The following TPI1 variants were observed in gnomAD, a reference collection of about 807,000 sequenced individuals.
TPI1 encodes triosephosphate isomerase 1.
TPI1 carries 11 observed loss-of-function variants against 31.0 expected under a neutral mutation model. That is an observed-to-expected ratio of 0.36 (90% confidence interval 0.22 to 0.59). The LOEUF is 0.59. Ranked by LOEUF, TPI1 falls within the 20% of genes least tolerant of loss-of-function variation. The probability of loss-of-function intolerance (pLI) is 0.79; values close to 1 mark genes in which losing one functional copy is unlikely to be tolerated. For missense variants in TPI1, 245 were observed against 319.7 expected, an observed-to-expected ratio of 0.77 and a Z score of 1.78; for synonymous variants, 121 against 122.8, an observed-to-expected ratio of 0.99 and a Z score of 0.10.
At chr12:6,867,754 C>G in intron 1 of TPI1, 73 bp downstream of exon 1, 4 of 1,333,592 alleles carry the variant, frequency 3.0e-6, no homozygotes, top group South Asian at 1.5e-5. Context: ...CGCCCTCTCC[C>G]GAGGCCCCGA....
intron 4 of TPI1, 138 bp from the exon 5 acceptor site, chr12:6,869,550 C>G (rs948321648): frequency 6.8e-7 from 1 of 1,470,598 alleles, no homozygotes; most frequent in East Asian, 2.3e-5. Context: ...ACTTCTCCAG[C>G]CCCAAGGTAG....
rs782668921 is a variant in TPI1, at chr12:6,868,765, G to A, written c.116-99G>A. 12 of 1,519,710 alleles carry A rather than the reference G, an allele frequency of 7.9e-6. No homozygotes were observed. In the East Asian group the frequency reaches 2.7e-4, roughly 34 times the overall value. 94.1% of individuals were successfully genotyped at this position (1,519,710 alleles called of 1,614,324 possible). On this transcript the variant is annotated intron_variant, in intron 1 of 6. Transcript: ENST00000396705. ...AGGGGGAGAGCAGAACCAAGAAGAA[G>A]AGGGTGAGGGCTGGGGGGCTCCAGG... is the stretch of plus-strand genomic sequence containing the variant.
At chr12:6,868,751 A>C in intron 1 of TPI1, 113 bp from the exon 2 acceptor site, 2 of 1,492,944 alleles carry the variant, frequency 1.3e-6, no homozygotes, top group Non-Finnish European at 1.8e-6. Context: ...GGGGGAGAGC[A>C]GAACCAAGAA....
Position 6,868,474 on chromosome 12 carries a change from T to G in TPI1, c.116-390T>G, listed in dbSNP as rs1555131935. The G allele has an allele frequency of 3.9e-6, 5 of 1,286,292 alleles. No homozygotes were observed. In the Admixed American group the frequency reaches 1.2e-4, roughly 30 times the overall value. 79.7% of individuals were successfully genotyped at this position (1,286,292 alleles called of 1,614,324 possible). ...TACAAACCCCAGGAGTTGGCCCCTC[T>G]CCTTTTGCTACAAATCCTTGCCTTG... On this transcript the variant is annotated intron_variant, in intron 1 of 6. Transcript: ENST00000396705.
rs886049811 is a variant in TPI1 at position 6,870,622 on chromosome 12, C to T, written c.*239C>T. The T allele has an allele frequency of 2.9e-6, 2 of 686,050 alleles. No homozygotes were observed. Among genetic ancestry groups the T allele is most frequent in the Middle Eastern group, 2.5e-4 (1 of 4,068 alleles). The allele number at this position is 686,050 out of a possible 1,614,324, so 42.5% of individuals were successfully genotyped here. A position where few individuals can be genotyped will look rare whatever the true frequency, so the allele number is the denominator to read the frequency against. On this transcript the variant is annotated 3_prime_UTR_variant, in exon 7 of 7. Coordinates refer to ENST00000396705, the MANE Select transcript of TPI1 (RefSeq NM_000365.6). Reference sequence around the variant, plus strand: ...CTAAACGTCACCAAGGTGGCTTCTCCTTGGCTGAGAGATGGAAGGCGTGGT... The same window carrying T: ...CTAAACGTCACCAAGGTGGCTTCTCTTTGGCTGAGAGATGGAAGGCGTGGT...
Position 6,870,328 on chromosome 12 carries a change from T to C in TPI1, c.695T>C (p.Val232Ala), listed in dbSNP as rs782439716. The C allele has an allele frequency of 6.2e-6, 10 of 1,614,156 alleles. No individual in the cohort carries two copies. The South Asian group carries it at 1.1e-4, about 18-fold the overall frequency. ...CAGCCTGATGTGGATGGCTTCCTTG[T>C]GGGTGGTGCTTCCCTCAAGCCCGAA... ...ASQPDVDGFL[V>A]GGASLKPEFV... The change falls in exon 7 of 7, where the codon GTG becomes GCG. Residue 232 changes from valine (V) to alanine (A), a missense_variant. Val to Ala is a moderately conservative substitution (Grantham distance 64, BLOSUM62 0). Transcript: ENST00000396705.
intron 5 of TPI1, 49 bp from the exon 6 acceptor site, chr12:6,870,000 C>T (rs781906708): frequency 1.9e-6 from 3 of 1,601,332 alleles, no homozygotes; most frequent in South Asian, 2.2e-5. Context: ...GTGATTTTTC[C>T]TCTTAGAGAG....
At chr12:6,869,210 G>A in intron 3 of TPI1, 27 bp downstream of exon 3, 1 of 1,614,180 alleles carries the variant, frequency 6.2e-7, no homozygotes, top group Non-Finnish European at 8.5e-7. Context: ...GAAGATAAGG[G>A]ATGTCTTTTT....
intron 1 of TPI1, chr12:6,868,242 T>C: frequency 1.9e-5 from 24 of 1,287,680 alleles, no homozygotes; most frequent in Non-Finnish European, 2.3e-5. Flanking sequence ...CCAAACAGGC[T>C]GAGCGATTTG....
At position 6,870,118 on chromosome 12, in the gene TPI1, A is replaced by T. The variant is rs782482721; in HGVS notation, c.613A>T (p.Thr205Ser). ...SNVSDAVAQS[T>S]RIIYGGSVTG... Reference sequence around the variant, plus strand: ...CGTCTCTGATGCGGTGGCTCAGAGCACCCGTATCATTTATGGAGGTGAGTG... The same window carrying T: ...CGTCTCTGATGCGGTGGCTCAGAGCTCCCGTATCATTTATGGAGGTGAGTG... The change falls in exon 6 of 7, where the codon ACC (threonine) becomes TCC (serine). Residue 205 changes from threonine (T) to serine (S), a missense_variant. Coordinates refer to ENST00000396705, the MANE Select transcript of TPI1 (RefSeq NM_000365.6). 3.7e-5 allele frequency: 60 copies of T among 1,613,926 alleles called. No individual in the cohort carries two copies. The highest frequency in any genetic ancestry group is 4.8e-5 in the Non-Finnish European group (57 of 1,179,906).
Position 6,867,630 on chromosome 12 carries a change from C to T in TPI1, c.64C>T (p.Leu22=). Residue 22 remains leucine, a synonymous_variant, in exon 1 of 7, where the codon CTG becomes TTG. Coordinates refer to ENST00000396705, the MANE Select transcript of TPI1 (RefSeq NM_000365.6). Reference sequence around the variant, plus strand: ...GAAGATGAACGGGCGGAAGCAGAGTCTGGGGGAGCTCATCGGCACTCTGAA... The same window carrying T: ...GAAGATGAACGGGCGGAAGCAGAGTTTGGGGGAGCTCATCGGCACTCTGAA... The part of the protein sequence containing the change: ...NWKMNGRKQS[L]GELIGTLNAA... The T allele has an allele frequency of 2.5e-6, 4 of 1,612,738 alleles. No individual in the cohort carries two copies. Among genetic ancestry groups the T allele is most frequent in the Non-Finnish European group, 3.4e-6 (4 of 1,179,656 alleles).
chr12:6,868,664 C>G, intron 1 of TPI1, 200 bp from the exon 2 acceptor site: 4 of 1,324,792 alleles, frequency 3.0e-6, no homozygotes, highest in Non-Finnish European at 4.1e-6. Flanking sequence ...TCAGGGGTAT[C>G]TGGAAGGCTC....
chr12:6,868,332 C>A, intron 1 of TPI1: 2 of 1,287,790 alleles, frequency 1.6e-6, no homozygotes, highest in Non-Finnish European at 2.0e-6. Context: ...AGGTCTCTGC[C>A]ACCCACGGGC....
intron 1 of TPI1, chr12:6,868,205 C>T: frequency 7.8e-7 from 1 of 1,288,014 alleles, no homozygotes; most frequent in Non-Finnish European, 1.0e-6. Context: ...ACGACTCCCG[C>T]CTTCCACGGA....
chr12:6,868,867 T>G lies in TPI1; in HGVS notation c.119T>G (p.Val40Gly). 1 of 1,612,142 alleles carries G rather than the reference T, an allele frequency of 6.2e-7. No individual in the cohort carries two copies. Among genetic ancestry groups the G allele is most frequent in the Non-Finnish European group, 8.5e-7 (1 of 1,179,524 alleles). The change falls in exon 2 of 7, where the codon GTG becomes GGG. Residue 40 changes from valine to glycine, a missense_variant. This residue lies in a region of TPI1 where 95 missense variants were observed against 96.4 expected (regional missense o/e 0.99). Coordinates refer to ENST00000396705, the MANE Select transcript of TPI1 (RefSeq NM_000365.6). Reference sequence around the variant, plus strand: ...TGTGGTACCATCTTGTCCTCAGAGGTGGTTTGTGCTCCCCCTACTGCCTAT... The same window carrying G: ...TGTGGTACCATCTTGTCCTCAGAGGGGGTTTGTGCTCCCCCTACTGCCTAT... ...NAAKVPADTEVVCAPPTAYID... is the reference protein window; with the variant it reads ...NAAKVPADTEGVCAPPTAYID...
chr12:6,868,039 G>C (rs1390648884), intron 1 of TPI1: 32 of 1,223,000 alleles, frequency 2.6e-5, no homozygotes, highest in Non-Finnish European at 3.2e-5. Flanking sequence ...GCTGGGCCGC[G>C]TGGGCTTCCC....
chr12:6,868,013 CG>C, intron 1 of TPI1: 1 of 1,171,996 alleles, frequency 8.5e-7, no homozygotes, highest in Non-Finnish European at 1.1e-6. Flanking sequence ...CGAGGCTCTG[CG>C]GGAGACCGGG....
In TPI1 at chr12:6,870,294, C is replaced by G. The variant is rs782306307; in HGVS notation, c.661C>G (p.Leu221Val). 2 of 1,614,224 alleles carry G rather than the reference C, an allele frequency of 1.2e-6. No individual in the cohort carries two copies. Among genetic ancestry groups the G allele is most frequent in the Non-Finnish European group, 1.7e-6 (2 of 1,180,038 alleles). ...GSVTGATCKE[L>V]ASQPDVDGFL... ...TGTGACTGGGGCAACCTGCAAGGAG[C>G]TGGCCAGCCAGCCTGATGTGGATGG... The change falls in exon 7 of 7, where the codon CTG becomes GTG. Residue 221 changes from leucine (L) to valine (V), a missense_variant. Coordinates refer to ENST00000396705, the MANE Select transcript of TPI1 (RefSeq NM_000365.6).
At chr12:6,868,348 A>T in intron 1 of TPI1, 1 of 1,287,716 alleles carries the variant, frequency 7.8e-7, no homozygotes, top group Non-Finnish European at 1.0e-6. Context: ...CGGGCAAAGG[A>T]TGCTCTCCTC....
Sources: allele counts gnomAD v4.1 joint callset, GRCh38; gene constraint gnomAD v4.1.1; regional missense constraint gnomAD v4.1.1; transcripts MANE v1.5; gene names NCBI Gene and HGNC (gene_info 2026-07-23, HGNC 2026-07-21).